Variants in ZNF395 observed in about 807,000 individuals in gnomAD.
ZNF395 encodes the protein zinc finger protein 395.
A neutral mutation model predicts 57.7 loss-of-function variants in ZNF395; 20 were observed. That is an observed-to-expected ratio of 0.35 (90% CI 0.24 to 0.50). The LOEUF (loss-of-function observed/expected upper bound fraction) is 0.50. Ranked by LOEUF, ZNF395 falls within the 20% of genes least tolerant of loss-of-function variation. The probability of loss-of-function intolerance (pLI) is 0.97; values close to 1 mark genes in which losing one functional copy is unlikely to be tolerated. For synonymous variants in ZNF395, 295 were observed against 275.9 expected (o/e 1.07, Z -0.69); for missense variants, 606 against 671.2 (o/e 0.90, Z 1.07).
intron 1 of ZNF395, among the ~76,000 whole-genome samples, chr8:28,381,893 A>T (rs1802114046): frequency 6.6e-6 from 1 of 152,174 alleles, no homozygotes; most frequent in African/African-American, 2.4e-5. Context: ...CCATCATCAT[A>T]AAAATATTTC....
intron 8 of ZNF395, 96 bp from the exon 9 acceptor site, chr8:28,349,324 G>C (rs1042694226): frequency 1.0e-6 from 1 of 960,604 alleles, no homozygotes; most frequent in South Asian, 1.9e-5. Flanking sequence ...CCAGCTCCTG[G>C]TGCAGAAGGC....
intron 1 of ZNF395, among the ~76,000 whole-genome samples, chr8:28,368,176 G>C (rs1457710824): frequency 6.6e-6 from 1 of 152,182 alleles, no homozygotes; most frequent in Non-Finnish European, 1.5e-5. Flanking sequence ...CCAGAGCCAG[G>C]ACTGGAGGGA....
At chr8:28,386,073 C>T (rs2130009058) in intron 1 of ZNF395, 2 of 147,190 alleles carry the variant, frequency 1.4e-5, no homozygotes, top group African/African-American at 4.9e-5. Context: ...GGACGGCTAG[C>T]TCAGCTCCGG....
At chr8:28,370,900 C>A (rs953067688) in intron 1 of ZNF395, among the ~76,000 whole-genome samples, 1 of 152,194 alleles carries the variant, frequency 6.6e-6, no homozygotes, top group African/African-American at 2.4e-5. Flanking sequence ...AACAGGAACC[C>A]TTATATGTAA....
chr8:28,378,346 C>T (rs887786370), intron 1 of ZNF395, among the ~76,000 whole-genome samples: 1 of 152,174 alleles, frequency 6.6e-6, no homozygotes, highest in Non-Finnish European at 1.5e-5. Flanking sequence ...CCCAAGTGAG[C>T]CTCCGACATC....
chr8:28,351,430 G>A, intron 7 of ZNF395, 65 bp downstream of exon 7: 4 of 1,499,752 alleles, frequency 2.7e-6, no homozygotes, highest in Non-Finnish European at 3.6e-6. Flanking sequence ...TCGGTAGCCT[G>A]TAATCAAGCT....
At chr8:28,385,337 C>T (rs1802159469) in intron 1 of ZNF395, 1 of 152,190 alleles carries the variant, frequency 6.6e-6, no homozygotes, top group South Asian at 2.1e-4. Flanking sequence ...CCCTGCACTC[C>T]CAGGCAGGGA....
At position 28,350,093 on chromosome 8, in the gene ZNF395, C is replaced by T; in HGVS notation, c.1297G>A (p.Ala433Thr). 1 of 1,606,570 alleles carries T rather than the reference C, an allele frequency of 6.2e-7. No homozygotes were observed. The change falls in exon 8 of 10, where the codon GCC (alanine) becomes ACC (threonine). Residue 433 changes from alanine to threonine, a missense_variant. Ala to Thr is a moderately conservative substitution (Grantham distance 58). This residue lies in a region of ZNF395 where 261 missense variants were observed against 240.3 expected (regional missense o/e 1.09). Transcript: ENST00000344423. ...GAGAGAGAGCAGGCGGCGGAGGGGG[C>T]AGCAGCCCAGCTGACACTGGTGTAG... ...HIYTSVSWAA[A>T]PSAACSLSPV... is the part of the protein sequence containing the mutation.
Position 28,353,683 on chromosome 8 carries a change from G to A in ZNF395, c.584-275C>T, listed in dbSNP as rs940315511. Among the ~76,000 whole-genome samples the A allele has an allele frequency of 8.6e-5, 13 of 151,992 alleles. No individual in the cohort carries two copies. The East Asian group carries it at 1.9e-3, about 23-fold the overall frequency. On this transcript the variant is annotated intron_variant, in intron 4 of 9. Transcript: ENST00000344423. ...AACAAAAATTTTTTTTTAGAGATGGGGTCTTGCTATGTTGCCCAGGCCGGT... is the reference window on the plus strand; with the variant it reads ...AACAAAAATTTTTTTTTAGAGATGGAGTCTTGCTATGTTGCCCAGGCCGGT...
chr8:28,362,962 G>A (rs4433103), intron 1 of ZNF395, among the ~76,000 whole-genome samples: 1,757 of 152,274 alleles, frequency 0.012, 30 homozygotes, highest in African/African-American at 0.04. Context: ...GTCACAGCAC[G>A]CAGACAGAAA....
chr8:28,383,732 C>T (rs1176174993), intron 1 of ZNF395, among the ~76,000 whole-genome samples: 3 of 152,086 alleles, frequency 2.0e-5, no homozygotes, highest in African/African-American at 7.2e-5. Flanking sequence ...CAGCAGCCTC[C>T]CCACTTCTCT....
chr8:28,351,501 T>G lies in ZNF395; in HGVS notation c.1227A>C (p.Ala409=). The change falls in exon 7 of 10, where the codon GCA becomes GCC. Residue 409 remains alanine (A), a synonymous_variant. Coordinates refer to ENST00000344423, the MANE Select transcript of ZNF395 (RefSeq NM_018660.3). ...GSFWHIQADH[A]YQALPSFQIP... is the part of the protein sequence containing the mutation. The stretch of plus-strand genomic sequence containing the variant: ...AGCGAGCCCCGCCCCATACCTGGTA[T>G]GCATGATCTGCCTGAATGTGCCAGA... The G allele has an allele frequency of 6.2e-7, 1 of 1,602,012 alleles. No individual in the cohort carries two copies. The highest frequency in any genetic ancestry group is 8.5e-7 in the Non-Finnish European group (1 of 1,171,090).
At chr8:28,379,131 C>T (rs907250997) in intron 1 of ZNF395, among the ~76,000 whole-genome samples, 9 of 152,140 alleles carry the variant, frequency 5.9e-5, no homozygotes, top group Admixed American at 3.3e-4. Context: ...TGTCTGATAA[C>T]CAGGAAAATA....
intron 2 of ZNF395, among the ~76,000 whole-genome samples, chr8:28,360,198 C>T (rs953318214): frequency 4.6e-5 from 7 of 152,208 alleles, no homozygotes; most frequent in Non-Finnish European, 7.3e-5. Flanking sequence ...TCAAAGGATG[C>T]TGAGTCTACC....
chr8:28,383,944 C>T (rs1802140406), intron 1 of ZNF395, among the ~76,000 whole-genome samples: 1 of 152,218 alleles, frequency 6.6e-6, no homozygotes. Flanking sequence ...ACTACAGCAG[C>T]TCCAAGGCCC....
At chr8:28,382,142 G>A (rs969710317) in intron 1 of ZNF395, among the ~76,000 whole-genome samples, 14 of 152,130 alleles carry the variant, frequency 9.2e-5, no homozygotes, top group African/African-American at 3.4e-4. Context: ...ACTGGACTGA[G>A]GCAAAAGGAA....
Position 28,348,689 on chromosome 8 carries a change from C to A in ZNF395, c.*30G>T. 6.2e-7 allele frequency: 1 copy of A among 1,600,538 alleles called. No homozygotes were observed. The highest frequency in any genetic ancestry group is 1.1e-5 in the South Asian group (1 of 90,786). On this transcript the variant is annotated 3_prime_UTR_variant, in exon 10 of 10. Coordinates refer to ENST00000344423, the MANE Select transcript of ZNF395 (RefSeq NM_018660.3). ...CTCTTGTCAGTGGCTGCCGGCAGGG[C>A]CAGGAACAGAGTAGAACCTGCAGCA... is the stretch of plus-strand genomic sequence containing the variant.
rs776298873 is a variant in ZNF395 at position 28,351,596 on chromosome 8, C to A, written c.1132G>T (p.Gly378Cys). The A allele has an allele frequency of 1.2e-6, 2 of 1,613,640 alleles. No homozygotes were observed. Among genetic ancestry groups the A allele is most frequent in the Admixed American group, 1.7e-5 (1 of 60,014 alleles). Residue 378 changes from glycine to cysteine, a missense_variant, in exon 7 of 10, where the codon GGC becomes TGC. By Grantham distance (159) the Gly-to-Cys change is radical (BLOSUM62 -3). Transcript: ENST00000344423. ...PPPLHKAQSS[G>C]PEHPGPESSL... ...GACTCCGGGCCAGGATGTTCTGGGC[C>A]GGAGGACTGGGCTTTGTGCAGAGGT... is the stretch of plus-strand genomic sequence containing the variant.
rs1471235218 is a variant in ZNF395 at position 28,347,267 on chromosome 8, CCT to C, written c.*1450_*1451del. 1.3e-5 allele frequency: 2 copies of C among 152,236 alleles called. No homozygotes were observed. Among genetic ancestry groups the C allele is most frequent in the Non-Finnish European group, 2.9e-5 (2 of 68,104 alleles). The allele number at this position is 152,236 out of a possible 1,614,324, so 9.4% of individuals were successfully genotyped here. A position where few individuals can be genotyped will look rare whatever the true frequency, so the allele number is the denominator to read the frequency against. ...GTGGCTGGGTAGGATTCCCTGAGCC[CCT>C]GACAGCTGGGACATAGGGCCAGGAC... On this transcript the variant is annotated 3_prime_UTR_variant, in exon 10 of 10. Coordinates refer to ENST00000344423, the MANE Select transcript of ZNF395 (RefSeq NM_018660.3).
Sources: gnomAD v4.1 joint callset for allele counts (sites outside exome capture counted in the v4.1 genomes callset) on GRCh38, gnomAD v4.1.1 for gene constraint, gnomAD v4.1.1 regional missense constraint, MANE v1.5 for transcripts, NCBI Gene and HGNC (gene_info 2026-07-23, HGNC 2026-07-21) for gene names.